R3HDM1: variants seen among roughly 807,000 people sequenced by gnomAD.
R3HDM1 encodes R3H domain-containing protein 1.
A neutral mutation model predicts 141.1 loss-of-function variants in R3HDM1; 46 were observed. The observed-to-expected ratio is 0.33, with a 90% CI of 0.26 to 0.42. R3HDM1 has a LOEUF of 0.42. Among genes scored for constraint, R3HDM1 ranks in the 10% least tolerant of loss-of-function variants. R3HDM1 has a pLI of 1.00. For missense variants in R3HDM1, 1,184 were observed against 1,368.3 expected (o/e 0.87, Z 2.12); for synonymous variants, 435 against 472.9 (o/e 0.92, Z 1.04).
At chr2:135,624,676 A>G (rs1454634770) in intron 7 of R3HDM1, among the ~76,000 whole-genome samples, 3 of 152,318 alleles carry the variant, frequency 2.0e-5, no homozygotes, top group African/African-American at 7.2e-5. Context: ...TTAAGGAGTA[A>G]TTAAACTGGA....
chr2:135,664,377 G>A (rs2067190834), intron 19 of R3HDM1, among the ~76,000 whole-genome samples: 1 of 151,816 alleles, frequency 6.6e-6, no homozygotes, highest in South Asian at 2.1e-4. Context: ...TACATAAAAG[G>A]GTGAAACTAA....
At chr2:135,560,506 G>T (rs1444247155) in intron 1 of R3HDM1, among the ~76,000 whole-genome samples, 2 of 152,076 alleles carry the variant, frequency 1.3e-5, no homozygotes, top group Non-Finnish European at 2.9e-5. Context: ...TAGAGACGGG[G>T]TTTCACCACG....
intron 19 of R3HDM1, chr2:135,669,662 G>T: frequency 1.3e-6 from 1 of 785,508 alleles, no homozygotes; most frequent in Non-Finnish European, 1.5e-6. Context: ...CTACACATTT[G>T]ATAGCTGTTG....
chr2:135,612,619 A>G (rs2060650009), intron 3 of R3HDM1, among the ~76,000 whole-genome samples: 1 of 152,188 alleles, frequency 6.6e-6, no homozygotes, highest in Non-Finnish European at 1.5e-5. Context: ...ATACTTCAGT[A>G]TAAAACAATG....
rs374838282 is a variant in R3HDM1 at position 135,605,420 on chromosome 2, C to T, written c.171+404C>T. On this transcript the variant is annotated intron_variant, in intron 3 of 26. Transcript: ENST00000683871. ...AACAGCCCTCAGGGGGTTCCTCAGT[C>T]ACTCAACCTGACTGACAAAAAAGAT... The T allele has an allele frequency of 2.7e-4, 43 of 157,702 alleles. No individual in the cohort carries two copies. In the South Asian group the frequency reaches 7.9e-3, roughly 29 times the overall value. The allele number at this position is 157,702 out of a possible 1,614,324, so 9.8% of individuals were successfully genotyped here.
chr2:135,553,785 G>A (rs981774040), intron 1 of R3HDM1, among the ~76,000 whole-genome samples: 3 of 152,128 alleles, frequency 2.0e-5, no homozygotes, highest in East Asian at 3.9e-4. Flanking sequence ...TCTGCCTCCC[G>A]GGTCAAGCTA....
At chr2:135,653,290 A>T (rs1331388860) in intron 18 of R3HDM1, among the ~76,000 whole-genome samples, 3 of 152,176 alleles carry the variant, frequency 2.0e-5, no homozygotes, top group African/African-American at 7.2e-5. Context: ...TGGCACATGC[A>T]GCTTGCAGTG....
chr2:135,666,921 T>TTA (rs1553611748), intron 19 of R3HDM1: 3 of 182,288 alleles, frequency 1.6e-5, no homozygotes, highest in African/African-American at 5.1e-5. Flanking sequence ...GGCTCATCTT[T>TTA]AAAAAAAAAA....
At chr2:135,565,555 C>T (rs1211802958) in intron 1 of R3HDM1, among the ~76,000 whole-genome samples, 1 of 151,800 alleles carries the variant, frequency 6.6e-6, no homozygotes, top group African/African-American at 2.4e-5. Context: ...AATCAAAAAT[C>T]TTTCGTTTCT....
At chr2:135,606,300 C>A (rs2060042107) in intron 3 of R3HDM1, 1 of 152,170 alleles carries the variant, frequency 6.6e-6, no homozygotes, top group Non-Finnish European at 1.5e-5. Context: ...GAAAGCCAAG[C>A]AAAGCTGCAA....
At chr2:135,575,023 C>T (rs1406259275) in intron 1 of R3HDM1, among the ~76,000 whole-genome samples, 1 of 152,148 alleles carries the variant, frequency 6.6e-6, no homozygotes. Flanking sequence ...AAGACTATCT[C>T]TGCAGATTAT....
At chr2:135,646,992 AATTACAT>A (rs1211231635) in intron 16 of R3HDM1, among the ~76,000 whole-genome samples, 1 of 152,198 alleles carries the variant, frequency 6.6e-6, no homozygotes, top group Non-Finnish European at 1.5e-5. Context: ...ATACAAGTTT[AATTACAT>A]TATTTAATGG....
At chr2:135,623,628 G>A (rs1359927998) in intron 7 of R3HDM1, among the ~76,000 whole-genome samples, 1 of 152,170 alleles carries the variant, frequency 6.6e-6, no homozygotes, top group Non-Finnish European at 1.5e-5. Context: ...TAGAGAGAAG[G>A]TAGGCAACTC....
intron 18 of R3HDM1, among the ~76,000 whole-genome samples, chr2:135,658,291 G>A (rs11895980): frequency 0.067 from 10,258 of 152,032 alleles, 677 homozygotes; most frequent in African/African-American, 0.17. Flanking sequence ...TCAGCCCCCC[G>A]AGTACCTGAG....
chr2:135,630,808 A>AT (rs148434092), intron 7 of R3HDM1, among the ~76,000 whole-genome samples: 2,003 of 149,814 alleles, frequency 0.013, 38 homozygotes, highest in African/African-American at 0.045. Context: ...TGTAAGTTAC[A>AT]TTTTTTTTTT....
At chr2:135,602,798 C>A in intron 2 of R3HDM1, 90 bp downstream of exon 2, 1 of 1,067,042 alleles carries the variant, frequency 9.4e-7, no homozygotes, top group Non-Finnish European at 1.3e-6. Context: ...AGTAACTTCA[C>A]CACCCTCTCC....
chr2:135,558,111 T>G (rs1701122154), intron 1 of R3HDM1, among the ~76,000 whole-genome samples: 2 of 152,218 alleles, frequency 1.3e-5, no homozygotes, highest in African/African-American at 4.8e-5. Flanking sequence ...TGCCAATTCT[T>G]TAAGCACACA....
At chr2:135,594,253 C>T in intron 1 of R3HDM1, among the ~76,000 whole-genome samples, 1 of 152,204 alleles carries the variant, frequency 6.6e-6, no homozygotes, top group East Asian at 1.9e-4. Flanking sequence ...CTCTAGCATT[C>T]CTAATTTCCA....
Position 135,637,502 on chromosome 2 carries a change from G to A in R3HDM1, c.904-1116G>A, listed in dbSNP as rs543792375. ...AAAACCCCATCTCTACAAAAAATTA[G>A]CCAGGCATGATGGTGCACGTCTGTA... On this transcript the variant is annotated intron_variant, in intron 11 of 26. Transcript: ENST00000683871. Among the ~76,000 whole-genome samples the A allele has an allele frequency of 5.9e-5, 9 of 152,144 alleles. No individual in the cohort carries two copies. In the East Asian group the frequency reaches 1.2e-3, roughly 20 times the overall value.
Sources: allele counts gnomAD v4.1 joint callset (sites outside exome capture counted in the v4.1 genomes callset), GRCh38; gene constraint gnomAD v4.1.1; transcripts MANE v1.5; gene names NCBI Gene and HGNC (gene_info 2026-07-23, HGNC 2026-07-21).